Variants in EXOC6 observed in about 807,000 individuals in gnomAD.
EXOC6 encodes exocyst complex component 6, also known as SEC15-like 1.
In EXOC6, 60 loss-of-function variants were observed where a neutral mutation model predicts 112.5. That is an observed-to-expected ratio of 0.53 (90% CI 0.43 to 0.66). EXOC6 has a LOEUF of 0.66. Ranked by LOEUF, EXOC6 falls within the 30% of genes least tolerant of loss-of-function variation. The pLI is 0.00. For synonymous variants in EXOC6, 295 were observed against 308.0 expected (o/e 0.96, Z 0.44); for missense variants, 855 against 957.1 (o/e 0.89, Z 1.41).
intron 6 of EXOC6, among the ~76,000 whole-genome samples, chr10:92,913,770 A>G: frequency 6.6e-6 from 1 of 152,046 alleles, no homozygotes; most frequent in Non-Finnish European, 1.5e-5. Context: ...TAAGTGGAGG[A>G]TTTTGCCCTG....
rs139617663 is a variant in EXOC6 at position 92,918,854 on chromosome 10, A to G, written c.820-1128A>G. 2.3e-4 allele frequency among the ~76,000 whole-genome samples: 35 copies of G among 152,312 alleles called. No homozygotes were observed. In the East Asian group the frequency reaches 5.8e-3, roughly 25 times the overall value. On this transcript the variant is annotated intron_variant, in intron 7 of 21. Transcript: ENST00000260762. ...TGCACATATGTGTATGTGTGTATAT[A>G]TGTGTATATATGTATATATATGCGT...
intron 1 of EXOC6, among the ~76,000 whole-genome samples, chr10:92,882,933 G>A (rs1272183220): frequency 6.6e-6 from 1 of 152,204 alleles, no homozygotes; most frequent in African/African-American, 2.4e-5. Flanking sequence ...AACAAATAGA[G>A]TGTCTCAGTG....
At chr10:92,883,302 G>GT (rs1165213241) in intron 1 of EXOC6, among the ~76,000 whole-genome samples, 1 of 152,104 alleles carries the variant, frequency 6.6e-6, no homozygotes, top group Non-Finnish European at 1.5e-5. Context: ...ATAGCTTTTG[G>GT]TAATTTCTAT....
chr10:92,915,655 A>G (rs1851041684), intron 6 of EXOC6, 103 bp from the exon 7 acceptor site: 2 of 697,614 alleles, frequency 2.9e-6, no homozygotes, highest in East Asian at 6.5e-5. Flanking sequence ...TTCTATACCT[A>G]CAGACATTAA....
rs373255905 is a variant in EXOC6 at position 92,894,945 on chromosome 10, G to A, written c.337G>A (p.Glu113Lys). ...CTTTTCTAAGGTGATAGTCCACACA[G>A]AAGATATCATTCGATGTAGAATTCA... ...DAGKEVIVHT[E>K]DIIRCRIQQR... Residue 113 changes from glutamate to lysine, a missense_variant, in exon 4 of 22, where the codon GAA becomes AAA. Glu to Lys is a moderately conservative substitution (Grantham distance 56). This residue lies in a region of EXOC6 where 405 missense variants were observed against 393.6 expected (regional missense o/e 1.03). Transcript: ENST00000260762. 3.1e-6 allele frequency: 5 copies of A among 1,612,030 alleles called. No homozygotes were observed. Among genetic ancestry groups the A allele is most frequent in the Non-Finnish European group, 4.2e-6 (5 of 1,178,290 alleles).
chr10:92,955,293 T>A (rs538685990), intron 16 of EXOC6, among the ~76,000 whole-genome samples: 3 of 152,234 alleles, frequency 2.0e-5, no homozygotes, highest in Admixed American at 2.0e-4. Flanking sequence ...CAATCCTAAT[T>A]TTTTACTTGC....
At chr10:92,978,271 A>G (rs915437956) in intron 18 of EXOC6, among the ~76,000 whole-genome samples, 4 of 152,196 alleles carry the variant, frequency 2.6e-5, no homozygotes, top group Non-Finnish European at 4.4e-5. Context: ...TTAACTGGGC[A>G]TGGTGGCGTG....
At chr10:92,949,458 A>G (rs1241298891) in intron 14 of EXOC6, among the ~76,000 whole-genome samples, 4 of 152,084 alleles carry the variant, frequency 2.6e-5, no homozygotes, top group Non-Finnish European at 5.9e-5. Flanking sequence ...TCTGTCAAGA[A>G]ATATCACCAG....
intron 9 of EXOC6, 64 bp downstream of exon 9, chr10:92,928,486 T>G: frequency 1.0e-6 from 1 of 954,188 alleles, no homozygotes; most frequent in Non-Finnish European, 1.6e-6. Flanking sequence ...CTGTTTTAAT[T>G]TCTTCAAAGC....
intron 8 of EXOC6, among the ~76,000 whole-genome samples, chr10:92,921,619 C>G (rs888408833): frequency 6.6e-6 from 1 of 151,420 alleles, no homozygotes; most frequent in Non-Finnish European, 1.5e-5. Flanking sequence ...AGATTAATAC[C>G]CTTTTCTTTG....
intron 1 of EXOC6, among the ~76,000 whole-genome samples, chr10:92,827,917 T>C (rs1846412564): frequency 6.6e-6 from 1 of 152,216 alleles, no homozygotes; most frequent in Admixed American, 6.5e-5. Context: ...TAATGTTTTG[T>C]GACTCTGTTG....
At chr10:92,946,566 G>A (rs1853024148) in intron 13 of EXOC6, among the ~76,000 whole-genome samples, 1 of 151,996 alleles carries the variant, frequency 6.6e-6, no homozygotes, top group African/African-American at 2.4e-5. Context: ...CCTTCACACA[G>A]TGAATATCTT....
At chr10:93,002,445 G>C (rs1345076162) in intron 19 of EXOC6, among the ~76,000 whole-genome samples, 1 of 152,146 alleles carries the variant, frequency 6.6e-6, no homozygotes, top group Non-Finnish European at 1.5e-5. Flanking sequence ...AGCAGCAATA[G>C]CATCATGTGG....
intron 19 of EXOC6, among the ~76,000 whole-genome samples, chr10:93,003,799 C>T (rs1045065141): frequency 4.6e-5 from 7 of 151,872 alleles, no homozygotes; most frequent in African/African-American, 7.3e-5. Flanking sequence ...TGACTATGAC[C>T]GAAGTAAAAT....
At chr10:92,829,951 A>G (rs1356544594), upstream of EXOC6, among the ~76,000 whole-genome samples, 1 of 152,166 alleles carries the variant, frequency 6.6e-6, no homozygotes, top group Admixed American at 6.5e-5. Flanking sequence ...GTTACCCTAT[A>G]TGGTCTAAAA....
At chr10:92,875,313 C>G (rs11593751) in intron 1 of EXOC6, among the ~76,000 whole-genome samples, 1 of 152,150 alleles carries the variant, frequency 6.6e-6, no homozygotes, top group African/African-American at 2.4e-5. Flanking sequence ...TTGAATTCTC[C>G]TATTTCCTCC....
intron 20 of EXOC6, among the ~76,000 whole-genome samples, chr10:93,041,878 A>G (rs1482960595): frequency 2.6e-5 from 4 of 152,016 alleles, no homozygotes; most frequent in African/African-American, 9.7e-5. Flanking sequence ...AGCCCAGCTA[A>G]TTTTGGTATT....
At chr10:92,997,642 T>C (rs1350730842) in intron 19 of EXOC6, 27 bp downstream of exon 19, 11 of 1,542,336 alleles carry the variant, frequency 7.1e-6, no homozygotes, top group East Asian at 4.7e-5. Flanking sequence ...TTTATTCTTA[T>C]GTATTACTAG....
In EXOC6 at chr10:92,955,082, A is replaced by G. The variant is rs541492462; in HGVS notation, c.1638+341A>G. ...GTAGTGTGCAACTATATTCCTAGCT[A>G]CTCTGGACTTGAGCCCAGGAGGTTG... On this transcript the variant is annotated intron_variant, in intron 16 of 21. Transcript: ENST00000260762. 6.2e-4 allele frequency among the ~76,000 whole-genome samples: 94 copies of G among 151,986 alleles called. 5 individuals are homozygous for G. In the South Asian group the frequency reaches 0.019, roughly 31 times the overall value.
Sources: allele counts gnomAD v4.1 joint callset (sites outside exome capture counted in the v4.1 genomes callset), GRCh38; gene constraint gnomAD v4.1.1; regional missense constraint gnomAD v4.1.1; transcripts MANE v1.5; gene names NCBI Gene and HGNC (gene_info 2026-07-23, HGNC 2026-07-21).